Variants in ERICH6B observed in about 807,000 individuals in gnomAD.
ERICH6B encodes glutamate rich 6B, also known as glutamate-rich protein 6B.
A neutral mutation model predicts 80.0 loss-of-function variants in ERICH6B; 69 were observed. That is an observed-to-expected ratio of 0.86 (90% CI 0.71 to 1.05). The LOEUF (loss-of-function observed/expected upper bound fraction) is 1.05, where lower values mean the gene tolerates loss of function less well. Among genes scored for constraint, ERICH6B ranks in the 50% least tolerant of loss-of-function variants. ERICH6B has a pLI of 0.00. For missense variants in ERICH6B, 754 were observed against 796.1 expected (o/e 0.95, Z 0.64); for synonymous variants, 283 against 291.9 (o/e 0.97, Z 0.31).
intron 11 of ERICH6B, among the ~76,000 whole-genome samples, chr13:45,558,386 T>C (rs1211626352): frequency 6.6e-6 from 1 of 152,196 alleles, no homozygotes; most frequent in Admixed American, 6.5e-5. Flanking sequence ...CAGCAAACAG[T>C]GACAGTTTGG....
intron 11 of ERICH6B, among the ~76,000 whole-genome samples, chr13:45,560,058 A>G (rs1043140836): frequency 1.8e-4 from 28 of 152,100 alleles, no homozygotes; most frequent in African/African-American, 4.8e-4. Flanking sequence ...GGGAGCTCCA[A>G]TGTTAGGTGC....
intron 11 of ERICH6B, among the ~76,000 whole-genome samples, chr13:45,559,802 T>C (rs1350118181): frequency 6.6e-6 from 1 of 152,208 alleles, no homozygotes; most frequent in East Asian, 1.9e-4. Flanking sequence ...GGGACTTGTT[T>C]TGTGGCTTAT....
At chr13:45,562,102 G>A (rs921332384) in intron 10 of ERICH6B, among the ~76,000 whole-genome samples, 9 of 152,180 alleles carry the variant, frequency 5.9e-5, no homozygotes, top group African/African-American at 9.6e-5. Context: ...TTGCTCTGTC[G>A]CCCAGGCTAG....
chr13:45,577,445 A>G (rs1875464760), intron 7 of ERICH6B, among the ~76,000 whole-genome samples: 1 of 151,688 alleles, frequency 6.6e-6, no homozygotes, highest in South Asian at 2.1e-4. Flanking sequence ...CACCATGCCA[A>G]GCTAATTTTT....
intron 1 of ERICH6B, among the ~76,000 whole-genome samples, chr13:45,609,611 G>C (rs1949888346): frequency 6.6e-6 from 1 of 152,194 alleles, no homozygotes; most frequent in African/African-American, 2.4e-5. Context: ...CCTGGCATTT[G>C]ATAGGAGCTC....
chr13:45,596,949 AGTT>A lies in ERICH6B; in HGVS notation c.54_56del (p.Thr19del). The stretch of plus-strand genomic sequence containing the variant: ...GCAAGTTCTGTGTGGAATATTGGGG[AGTT>A]GTGGGAGGGTGAGGAGGTGATGCTC... On this transcript the variant is annotated inframe_deletion, in exon 3 of 15. Transcript: ENST00000298738. The A allele has an allele frequency of 6.4e-7, 1 of 1,551,584 alleles. No homozygotes were observed. The highest frequency in any genetic ancestry group is 8.7e-7 in the Non-Finnish European group (1 of 1,146,940).
Position 45,596,552 on chromosome 13 carries a change from T to C in ERICH6B, c.454A>G (p.Ile152Val). 6.4e-7 allele frequency: 1 copy of C among 1,550,894 alleles called. No individual in the cohort carries two copies. The highest frequency in any genetic ancestry group is 8.7e-7 in the Non-Finnish European group (1 of 1,146,284). ...TTCCCCAGATAATCTACCTCCTCAA[T>C]ATAATCTTCCTTCTCCAGATACCCT... is the stretch of plus-strand genomic sequence containing the variant. Reference protein sequence around the residue: ...KEGYLEKEDYIEEVDYLGKKA... With the variant: ...KEGYLEKEDYVEEVDYLGKKA... The change falls in exon 3 of 15, where the codon ATT (isoleucine) becomes GTT (valine). Residue 152 changes from isoleucine (I) to valine (V), a missense_variant. Coordinates refer to ENST00000298738, the MANE Select transcript of ERICH6B (RefSeq NM_182542.3).
At chr13:45,570,877 CCA>C (rs1875129874) in intron 8 of ERICH6B, among the ~76,000 whole-genome samples, 1 of 135,016 alleles carries the variant, frequency 7.4e-6, no homozygotes, top group African/African-American at 3.2e-5. Context: ...GCTGCAGGTT[CCA>C]TATGGCATTC....
chr13:45,572,663 CAAG>C (rs1875223425), intron 8 of ERICH6B, among the ~76,000 whole-genome samples: 1 of 151,944 alleles, frequency 6.6e-6, no homozygotes, highest in Admixed American at 6.6e-5. Flanking sequence ...TGGAAAATAC[CAAG>C]AAGAAGGTTG....
rs1361090719 is a variant in ERICH6B at position 45,574,879 on chromosome 13, G to C, written c.1013C>G (p.Ser338Cys). 1 of 1,551,362 alleles carries C rather than the reference G, an allele frequency of 6.4e-7. No individual in the cohort carries two copies. The highest frequency in any genetic ancestry group is 1.4e-5 in the African/African-American group (1 of 73,028). ...ENFWDGITDE[S>C]IDKLEVEDLD... Reference sequence around the variant, plus strand: ...ATCTTCCACTTCCAGCTTGTCAATGGACTCATCTGTTATACCATCCCAAAA... The same window carrying C: ...ATCTTCCACTTCCAGCTTGTCAATGCACTCATCTGTTATACCATCCCAAAA... The change falls in exon 8 of 15, where the codon TCC becomes TGC. Residue 338 changes from serine (S) to cysteine (C), a missense_variant. Transcript: ENST00000298738.
Position 45,541,468 on chromosome 13 carries a change from C to A in ERICH6B, c.2085G>T (p.Trp695Cys). 1 of 1,551,854 alleles carries A rather than the reference C, an allele frequency of 6.4e-7. No individual in the cohort carries two copies. Among genetic ancestry groups the A allele is most frequent in the Non-Finnish European group, 8.7e-7 (1 of 1,146,898 alleles). ...ATGCCAGATAAGCCCCGCCTTAAAA[C>A]CAGAGTTTAGAGAGCATCTTCTTCA... Reference protein sequence around the residue: ...KYLKKMLSKLWF With the variant: ...KYLKKMLSKLCF Residue 695 changes from tryptophan (W) to cysteine (C), a missense_variant, in exon 15 of 15, where the codon TGG (tryptophan) becomes TGT (cysteine). Transcript: ENST00000298738.
intron 11 of ERICH6B, among the ~76,000 whole-genome samples, chr13:45,555,904 T>C (rs1370912571): frequency 6.6e-6 from 1 of 150,660 alleles, no homozygotes; most frequent in Non-Finnish European, 1.5e-5. Context: ...TTCCTATTTC[T>C]TTCCCACTTG....
intron 2 of ERICH6B, among the ~76,000 whole-genome samples, chr13:45,599,741 T>G (rs1230539295): frequency 8.5e-5 from 13 of 152,194 alleles, no homozygotes; most frequent in Non-Finnish European, 1.5e-5. Context: ...TCTGATTTGG[T>G]CTTGTCTACT....
chr13:45,585,492 A>G (rs1875862971), intron 5 of ERICH6B, among the ~76,000 whole-genome samples: 1 of 152,162 alleles, frequency 6.6e-6, no homozygotes, highest in Admixed American at 6.5e-5. Context: ...AGAAGGGGAG[A>G]GAAAAACCTC....
rs1874138556 is a variant in ERICH6B, at chr13:45,549,789, T to G, written c.1646+104A>C. The G allele has an allele frequency of 3.9e-6, 5 of 1,291,632 alleles. No homozygotes were observed. The South Asian group carries it at 4.6e-5, about 12-fold the overall frequency. 80.0% of individuals were successfully genotyped at this position (1,291,632 alleles called of 1,614,324 possible). On this transcript the variant is annotated intron_variant, in intron 13 of 14. Coordinates refer to ENST00000298738, the MANE Select transcript of ERICH6B (RefSeq NM_182542.3). Reference sequence around the variant, plus strand: ...TGCTCATTCTCCCATTTCCAACATGTGTAACTCTGAGACAGGGAGGAAGTT... The same window carrying G: ...TGCTCATTCTCCCATTTCCAACATGGGTAACTCTGAGACAGGGAGGAAGTT...
chr13:45,615,208 CAG>C (rs138416723), intron 1 of ERICH6B, among the ~76,000 whole-genome samples: 3,757 of 152,264 alleles, frequency 0.025, 145 homozygotes, highest in African/African-American at 0.085. Flanking sequence ...GGGAAGGAAA[CAG>C]GGGAAGCTGA....
At chr13:45,590,776 G>A (rs975705228) in intron 3 of ERICH6B, 79 bp from the exon 4 acceptor site, 21 of 1,184,774 alleles carry the variant, frequency 1.8e-5, no homozygotes, top group African/African-American at 1.2e-4. Context: ...TGTTAAGTAC[G>A]TGGAGAGGGC....
At chr13:45,606,173 A>G (rs1423966726) in intron 2 of ERICH6B, among the ~76,000 whole-genome samples, 2 of 152,226 alleles carry the variant, frequency 1.3e-5, no homozygotes, top group Non-Finnish European at 2.9e-5. Context: ...AAATTCACTG[A>G]GATGAAAAGA....
intron 11 of ERICH6B, among the ~76,000 whole-genome samples, chr13:45,551,000 T>C (rs1435726219): frequency 1.3e-5 from 2 of 152,168 alleles, no homozygotes; most frequent in Non-Finnish European, 2.9e-5. Context: ...ACCCATAACA[T>C]TGGTATACTC....
Sources: allele counts gnomAD v4.1 joint callset (sites outside exome capture counted in the v4.1 genomes callset), GRCh38; gene constraint gnomAD v4.1.1; transcripts MANE v1.5; gene names NCBI Gene and HGNC (gene_info 2026-07-23, HGNC 2026-07-21).